Variants in ALB observed in about 807,000 individuals in gnomAD.
The protein encoded by ALB is serum albumin.
A neutral mutation model predicts 74.5 loss-of-function variants in ALB; 37 were observed. That is an observed-to-expected ratio of 0.50 (90% CI 0.38 to 0.65). The LOEUF is 0.65. Ranked by LOEUF, ALB falls within the 30% of genes least tolerant of loss-of-function variation. The probability of loss-of-function intolerance (pLI) is 0.00; values close to 1 mark genes in which losing one functional copy is unlikely to be tolerated. For missense variants in ALB, 685 were observed against 718.7 expected, an observed-to-expected ratio of 0.95 and a Z score of 0.54; for synonymous variants, 249 against 251.6, an observed-to-expected ratio of 0.99 and a Z score of 0.10.
chr4:73,417,197 G>A (rs983349452), intron 10 of ALB, among the ~76,000 whole-genome samples: 2 of 151,976 alleles, frequency 1.3e-5, no homozygotes, highest in African/African-American at 4.8e-5. Flanking sequence ...TTTTCTACTT[G>A]TATCTTTCAA....
chr4:73,415,122 G>A lies in ALB; in HGVS notation c.1146G>A (p.Glu382=). The A allele has an allele frequency of 6.2e-7, 1 of 1,614,164 alleles. No homozygotes were observed. ...CCAAGACATATGAAACCACTCTAGAGAAGTGCTGTGCCGCTGCAGATCCTC... is the reference window on the plus strand; with the variant it reads ...CCAAGACATATGAAACCACTCTAGAAAAGTGCTGTGCCGCTGCAGATCCTC... ...RLAKTYETTL[E]KCCAAADPHE... The change falls in exon 9 of 15, where the codon GAG becomes GAA. Residue 382 remains glutamate (E), a synonymous_variant. Coordinates refer to ENST00000295897, the MANE Select transcript of ALB (RefSeq NM_000477.7).
chr4:73,410,216 C>A, intron 5 of ALB, 96 bp from the exon 6 acceptor site: 1 of 965,294 alleles, frequency 1.0e-6, no homozygotes, highest in Non-Finnish European at 1.7e-6. Flanking sequence ...ATTATGCCTT[C>A]AAAATTTAAT....
At chr4:73,418,425 G>A in intron 12 of ALB, 114 bp downstream of exon 12, 1 of 931,984 alleles carries the variant, frequency 1.1e-6, no homozygotes, top group Non-Finnish European at 1.7e-6. Flanking sequence ...GAAAGTATTG[G>A]AGTGTTGCCC....
At chr4:73,409,770 C>G (rs1008430334) in intron 5 of ALB, among the ~76,000 whole-genome samples, 1 of 152,046 alleles carries the variant, frequency 6.6e-6, no homozygotes, top group Non-Finnish European at 1.5e-5. Context: ...AATACTGAAA[C>G]TTGTTTGTCA....
At chr4:73,407,394 A>G (rs1471629334) in intron 3 of ALB, among the ~76,000 whole-genome samples, 2 of 152,222 alleles carry the variant, frequency 1.3e-5, no homozygotes, top group African/African-American at 4.8e-5. Context: ...TTCCCTTAGC[A>G]TAGTGCATTC....
At position 73,408,824 on chromosome 4, in the gene ALB, A is replaced by G. The variant is rs1308884357; in HGVS notation, c.482+19A>G. On this transcript the variant is annotated intron_variant, in intron 4 of 14. Transcript: ENST00000295897. ...TGAAAAAGTAAGTAATCAGATGTTT[A>G]TAGTTCAAAATTAAAAAGCATGGAG... 5 of 1,601,392 alleles carry G rather than the reference A, an allele frequency of 3.1e-6. No homozygotes were observed. The highest frequency in any genetic ancestry group is 1.1e-5 in the South Asian group (1 of 90,110).
intron 8 of ALB, among the ~76,000 whole-genome samples, chr4:73,413,970 G>A (rs1046639411): frequency 4.6e-5 from 7 of 152,122 alleles, no homozygotes; most frequent in Non-Finnish European, 1.0e-4. Flanking sequence ...ATATGTGTGT[G>A]ACTATGTATT....
rs534480872 is a variant in ALB, at chr4:73,419,649, T to A, written c.1785+10T>A. The A allele has an allele frequency of 6.2e-7, 1 of 1,613,798 alleles. No homozygotes were observed. The highest frequency in any genetic ancestry group is 8.5e-7 in the Non-Finnish European group (1 of 1,179,776). On this transcript the variant is annotated intron_variant, in intron 13 of 14. Coordinates refer to ENST00000295897, the MANE Select transcript of ALB (RefSeq NM_000477.7). ...CTGCTTTGCCGAGGAGGTACTACAG[T>A]TCTCTTCATTTTAATATGTCCAGTA... is the stretch of plus-strand genomic sequence containing the variant.
intron 7 of ALB, among the ~76,000 whole-genome samples, chr4:73,412,594 C>T (rs1014287823): frequency 5.1e-4 from 77 of 152,128 alleles, no homozygotes; most frequent in African/African-American, 1.7e-3. Context: ...TACAGGCATG[C>T]GCCACCACAC....
At chr4:73,410,579 T>A (rs1718849210) in intron 6 of ALB, among the ~76,000 whole-genome samples, 170 bp downstream of exon 6, 1 of 152,154 alleles carries the variant, frequency 6.6e-6, no homozygotes, top group Non-Finnish European at 1.5e-5. Flanking sequence ...CAATGACAAT[T>A]TGACATTATT....
intron 8 of ALB, among the ~76,000 whole-genome samples, chr4:73,414,588 T>C (rs1267088531): frequency 2.6e-5 from 4 of 152,124 alleles, no homozygotes; most frequent in Non-Finnish European, 5.9e-5. Context: ...CTCAGCCTCC[T>C]GGGATTACAG....
chr4:73,411,433 A>ACTCCCTCATTC (rs1386208644), intron 6 of ALB, among the ~76,000 whole-genome samples: 1 of 151,868 alleles, frequency 6.6e-6, no homozygotes, highest in Admixed American at 6.6e-5. Context: ...ATCAATAAAA[A>ACTCCCTCATTC]CTCCCTCATT....
intron 5 of ALB, among the ~76,000 whole-genome samples, chr4:73,410,064 C>T (rs1718833480): frequency 6.6e-6 from 1 of 152,132 alleles, no homozygotes; most frequent in Non-Finnish European, 1.5e-5. Flanking sequence ...ACTTTTAAGG[C>T]TCTTTTTCCT....
chr4:73,416,246 T>C lies in ALB; in HGVS notation c.1192-10T>C, dbSNP rs1719009062. 6.2e-7 allele frequency: 1 copy of C among 1,609,162 alleles called. No individual in the cohort carries two copies. Among genetic ancestry groups the C allele is most frequent in the South Asian group, 1.1e-5 (1 of 90,920 alleles). ...CATAATACTATTAACACAATTCTTT[T>C]ATGTTTCAGTTCGATGAATTTAAAC... On this transcript the variant is annotated splice_polypyrimidine_tract_variant and intron_variant, in intron 9 of 14. Coordinates refer to ENST00000295897, the MANE Select transcript of ALB (RefSeq NM_000477.7).
intron 9 of ALB, 132 bp downstream of exon 9, chr4:73,415,299 G>T: frequency 9.3e-7 from 1 of 1,076,764 alleles, no homozygotes; most frequent in South Asian, 1.4e-5. Context: ...TTCAATTCTG[G>T]AATCTTAAAC....
rs894158312 is a variant in ALB, at chr4:73,408,657, G to T, written c.334G>T (p.Ala112Ser). 1.9e-6 allele frequency: 3 copies of T among 1,613,912 alleles called. No homozygotes were observed. The African/African-American group carries it at 4.0e-5, about 22-fold the overall frequency. Residue 112 changes from alanine to serine, a missense_variant, in exon 4 of 15, where the codon GCT becomes TCT. By Grantham distance (99) the Ala-to-Ser change is moderately conservative (BLOSUM62 1). Coordinates refer to ENST00000295897, the MANE Select transcript of ALB (RefSeq NM_000477.7). ...ATLRETYGEM[A>S]DCCAKQEPER... is the part of the protein sequence containing the mutation. ...TCTTCGTGAAACCTATGGTGAAATG[G>T]CTGACTGCTGTGCAAAACAAGAACC... is the stretch of plus-strand genomic sequence containing the variant.
At position 73,413,455 on chromosome 4, in the gene ALB, T is replaced by C. The variant is rs776384352; in HGVS notation, c.879T>C (p.Asp293=). ...CCAAGTATATCTGTGAAAATCAAGA[T>C]TCGATCTCCAGTAAACTGAAGGAAT... is the stretch of plus-strand genomic sequence containing the variant. ...DLAKYICENQ[D]SISSKLKECC... is the part of the protein sequence containing the mutation. The change falls in exon 8 of 15, where the codon GAT becomes GAC. Residue 293 remains aspartate, a synonymous_variant. Transcript: ENST00000295897. 6.2e-7 allele frequency: 1 copy of C among 1,614,162 alleles called. No homozygotes were observed. The highest frequency in any genetic ancestry group is 8.5e-7 in the Non-Finnish European group (1 of 1,180,018).
chr4:73,405,145 G>T lies in ALB; in HGVS notation c.109G>T (p.Asp37Tyr), dbSNP rs374543070. The stretch of plus-strand genomic sequence containing the variant: ...GAGTGAGGTTGCTCATCGGTTTAAA[G>T]ATTTGGGAGAAGAAAATTTCAAAGC... ...HKSEVAHRFK[D>Y]LGEENFKALV... The change falls in exon 2 of 15, where the codon GAT becomes TAT. Residue 37 changes from aspartate to tyrosine, a missense_variant. Transcript: ENST00000295897. 1 of 1,613,748 alleles carries T rather than the reference G, an allele frequency of 6.2e-7. No homozygotes were observed. Among genetic ancestry groups the T allele is most frequent in the Admixed American group, 1.7e-5 (1 of 60,016 alleles).
chr4:73,420,136 A>G (rs1362437556), intron 13 of ALB, 118 bp from the exon 14 acceptor site: 5 of 874,602 alleles, frequency 5.7e-6, no homozygotes, highest in Non-Finnish European at 7.4e-6. Context: ...AATTGTAATT[A>G]AAGGATATGA....
Sources: gnomAD v4.1 joint callset for allele counts (sites outside exome capture counted in the v4.1 genomes callset) on GRCh38, gnomAD v4.1.1 for gene constraint, MANE v1.5 for transcripts, NCBI Gene and HGNC (gene_info 2026-07-23, HGNC 2026-07-21) for gene names.